PPP2R2D: variants seen among roughly 807,000 people sequenced by gnomAD.
PPP2R2D encodes serine/threonine-protein phosphatase 2A 55 kDa regulatory subunit B delta isoform.
PPP2R2D carries 9 observed loss-of-function variants against 31.1 expected under a neutral mutation model. The observed-to-expected ratio is 0.29, with a 90% CI of 0.17 to 0.51. PPP2R2D has a LOEUF of 0.51. PPP2R2D is among the 20% of genes least tolerant of loss of function. The pLI, the probability that PPP2R2D is intolerant of heterozygous loss-of-function variation, is 0.98. For synonymous variants in PPP2R2D, 179 were observed against 172.6 expected, an observed-to-expected ratio of 1.04 and a Z score of -0.29; for missense variants, 391 against 465.6, an observed-to-expected ratio of 0.84 and a Z score of 1.48.
At chr10:131,951,183 G>A (rs976524828) in intron 8 of PPP2R2D, among the ~76,000 whole-genome samples, 2 of 152,264 alleles carry the variant, frequency 1.3e-5, no homozygotes, top group Admixed American at 1.3e-4. Context: ...GTTTGGGGGA[G>A]AGGGTGGAGA....
At chr10:131,935,919 C>T (rs560919613) in intron 3 of PPP2R2D, among the ~76,000 whole-genome samples, 1 of 151,856 alleles carries the variant, frequency 6.6e-6, no homozygotes, top group East Asian at 2.0e-4. Context: ...CAAAATTAGC[C>T]GGGTGTGGTG....
intron 2 of PPP2R2D, among the ~76,000 whole-genome samples, chr10:131,923,284 C>T (rs1454672149): frequency 6.6e-6 from 1 of 152,208 alleles, no homozygotes; most frequent in Non-Finnish European, 1.5e-5. Flanking sequence ...TGATGCCGGT[C>T]AAGGCATATC....
chr10:131,966,881 GT>G, the PPP2R2D span: 90,028 of 113,136 alleles, frequency 0.8, 35,070 homozygotes, highest in East Asian at 0.95. Context: ...CCAACTGGTT[GT>G]TTTTTTTTTT....
At chr10:131,906,489 G>A (rs909272895) in intron 2 of PPP2R2D, among the ~76,000 whole-genome samples, 3 of 152,190 alleles carry the variant, frequency 2.0e-5, no homozygotes, top group Non-Finnish European at 4.4e-5. Flanking sequence ...AAGTAACATA[G>A]ATATCTGGTT....
chr10:131,938,578 A>G (rs1414669059), intron 3 of PPP2R2D, among the ~76,000 whole-genome samples: 2 of 152,158 alleles, frequency 1.3e-5, no homozygotes, highest in Non-Finnish European at 2.9e-5. Context: ...CTAGCTTCCC[A>G]GAGTTGCTCA....
chr10:131,935,090 G>T lies in PPP2R2D; in HGVS notation c.198+535G>T, dbSNP rs1380731380. On this transcript the variant is annotated intron_variant, in intron 3 of 8. Transcript: ENST00000455566. ...GAACCTTCAGAGTGTGGGCCTTGGA[G>T]GAGCCCACAGCTCATAAGCAAGCAC... The T allele has an allele frequency of 2.7e-5, 11 of 406,490 alleles. No homozygotes were observed. In the East Asian group the frequency reaches 8.0e-4, roughly 30 times the overall value. The allele number at this position is 406,490 out of a possible 1,614,324, so 25.2% of individuals were successfully genotyped here. A position where few individuals can be genotyped will look rare whatever the true frequency, so the allele number is the denominator to read the frequency against.
At chr10:131,941,537 T>A (rs1169672070) in intron 5 of PPP2R2D, among the ~76,000 whole-genome samples, 3 of 151,492 alleles carry the variant, frequency 2.0e-5, no homozygotes, top group African/African-American at 7.3e-5. Context: ...TTTGGGTGGT[T>A]GGGTGGTTTG....
intron 2 of PPP2R2D, among the ~76,000 whole-genome samples, chr10:131,910,120 C>T (rs921706199): frequency 2.0e-5 from 3 of 152,184 alleles, no homozygotes; most frequent in South Asian, 2.1e-4. Context: ...CACCATAACT[C>T]GCCAGGTGGC....
At chr10:131,929,910 G>A (rs555839096) in intron 2 of PPP2R2D, among the ~76,000 whole-genome samples, 13 of 152,234 alleles carry the variant, frequency 8.5e-5, no homozygotes, top group East Asian at 3.9e-4. Context: ...AGGCCGCCCC[G>A]GTTGTAACTC....
rs181342882 is a variant in PPP2R2D, at chr10:131,939,693, C to G, written c.199-338C>G. 6 of 168,604 alleles carry G rather than the reference C, an allele frequency of 3.6e-5. No individual in the cohort carries two copies. In the East Asian group the frequency reaches 9.7e-4, roughly 27 times the overall value. The allele number at this position is 168,604 out of a possible 1,614,324, so 10.4% of individuals were successfully genotyped here. ...CAGGCTACATTCGACAGGCTGAATTCGGCAGACCTGCTCCAGAAAATACGG... is the reference window on the plus strand; with the variant it reads ...CAGGCTACATTCGACAGGCTGAATTGGGCAGACCTGCTCCAGAAAATACGG... On this transcript the variant is annotated intron_variant, in intron 3 of 8. Coordinates refer to ENST00000455566, the MANE Select transcript of PPP2R2D (RefSeq NM_018461.5).
chr10:131,926,005 G>T (rs1430047861), intron 2 of PPP2R2D, among the ~76,000 whole-genome samples: 1 of 152,132 alleles, frequency 6.6e-6, no homozygotes, highest in Non-Finnish European at 1.5e-5. Context: ...GTTAAGGGAC[G>T]GGATTTTTCA....
Position 131,945,577 on chromosome 10 carries a change from G to A in PPP2R2D, c.820+118G>A, listed in dbSNP as rs1009778705. 23 of 1,233,990 alleles carry A rather than the reference G, an allele frequency of 1.9e-5. No individual in the cohort carries two copies. The highest frequency in any genetic ancestry group is 7.9e-5 in the Admixed American group (3 of 37,934). 76.4% of individuals were successfully genotyped at this position (1,233,990 alleles called of 1,614,324 possible). A position where few individuals can be genotyped will look rare whatever the true frequency, so the allele number is the denominator to read the frequency against. On this transcript the variant is annotated intron_variant, in intron 7 of 8. Coordinates refer to ENST00000455566, the MANE Select transcript of PPP2R2D (RefSeq NM_018461.5). This position sits in a 1 kb window ranked among gnomAD's most constrained non-coding sequence, Gnocchi z 4.8. ...CGGGTTCCAGCAAGTCTTCTGCCTC[G>A]GCCTCCCGAGTAGCTGGGACCACAG...
At chr10:131,929,580 T>C (rs561676283) in intron 2 of PPP2R2D, among the ~76,000 whole-genome samples, 1 of 152,260 alleles carries the variant, frequency 6.6e-6, no homozygotes, top group East Asian at 1.9e-4. Context: ...GTCCTCTCTT[T>C]CACTCCTAGC....
intron 3 of PPP2R2D, among the ~76,000 whole-genome samples, chr10:131,938,756 G>T (rs184572471): frequency 1.1e-4 from 17 of 152,176 alleles, no homozygotes; most frequent in African/African-American, 4.1e-4. Context: ...CAGCGGCTTC[G>T]TGGTGGTCCC....
chr10:131,933,359 T>C (rs1169460031), intron 2 of PPP2R2D, among the ~76,000 whole-genome samples: 1 of 152,202 alleles, frequency 6.6e-6, no homozygotes, highest in Admixed American at 6.5e-5. Flanking sequence ...GTAGGTTGTT[T>C]ACAATAGCCA....
chr10:131,939,948 C>A (rs79509440), intron 3 of PPP2R2D, 83 bp from the exon 4 acceptor site: 2 of 439,966 alleles, frequency 4.5e-6, no homozygotes, highest in Non-Finnish European at 8.4e-6. Flanking sequence ...TATGTATGGT[C>A]ATTTGATATT....
Position 131,947,908 on chromosome 10 carries a change from G to A in PPP2R2D, c.1082+117G>A. 1 of 1,311,874 alleles carries A rather than the reference G, an allele frequency of 7.6e-7. No individual in the cohort carries two copies. The highest frequency in any genetic ancestry group is 1.0e-6 in the Non-Finnish European group (1 of 952,690). The allele number at this position is 1,311,874 out of a possible 1,614,324, so 81.3% of individuals were successfully genotyped here. ...CAGAGGAGGACGCTCATAGGGTGTT[G>A]TTTTCCAGACCTTTTGATTGATGGA... On this transcript the variant is annotated intron_variant, in intron 8 of 8. Transcript: ENST00000455566. The surrounding 1 kb of genome is among the most constrained non-coding windows in gnomAD (Gnocchi z 4.3).
intron 2 of PPP2R2D, among the ~76,000 whole-genome samples, chr10:131,907,321 C>A (rs2035608329): frequency 6.6e-6 from 1 of 152,042 alleles, no homozygotes. Context: ...TTGAAGAGAA[C>A]CTTCAGGAAA....
At chr10:131,921,371 G>T (rs782536116) in intron 2 of PPP2R2D, among the ~76,000 whole-genome samples, 1 of 152,162 alleles carries the variant, frequency 6.6e-6, no homozygotes, top group Admixed American at 6.5e-5. Flanking sequence ...GGGTCCTAAG[G>T]CTTCGGCAGT....
Sources: allele counts gnomAD v4.1 joint callset (sites outside exome capture counted in the v4.1 genomes callset), GRCh38; gene constraint gnomAD v4.1.1; non-coding constraint Gnocchi (gnomAD v3.1); transcripts MANE v1.5; gene names NCBI Gene and HGNC (gene_info 2026-07-23, HGNC 2026-07-21).